Variants in SGCZ observed in about 807,000 individuals in gnomAD.
The protein encoded by SGCZ is sarcoglycan zeta.
In SGCZ, 40 loss-of-function variants were observed where a neutral mutation model predicts 41.3. That is an observed-to-expected ratio of 0.97 (90% CI 0.75 to 1.26). The LOEUF (loss-of-function observed/expected upper bound fraction) is 1.26, where lower values mean the gene tolerates loss of function less well. Ranked by LOEUF, SGCZ falls within the 50% of genes most tolerant of loss-of-function variation. The pLI, the probability that SGCZ is intolerant of heterozygous loss-of-function variation, is 0.00. For missense variants in SGCZ, 552 were observed against 369.8 expected, an observed-to-expected ratio of 1.49 and a Z score of -4.04; for synonymous variants, 206 against 137.5, an observed-to-expected ratio of 1.50 and a Z score of -3.49.
At chr8:14,870,914 A>C (rs999017485) in intron 1 of SGCZ, among the ~76,000 whole-genome samples, 1 of 152,198 alleles carries the variant, frequency 6.6e-6, no homozygotes, top group African/African-American at 2.4e-5. Flanking sequence ...ATCATTAAAA[A>C]GTCAGGAAAC....
In SGCZ at chr8:14,774,833, G is replaced by C. The variant is rs138402281; in HGVS notation, c.40-219907C>G. Among the ~76,000 whole-genome samples, 501 of 152,178 alleles carry C rather than the reference G, an allele frequency of 3.3e-3. 3 individuals carry two copies. Among genetic ancestry groups the C allele is most frequent in the African/African-American group, 0.011 (441 of 41,546 alleles). On this transcript the variant is annotated intron_variant, in intron 1 of 7. Transcript: ENST00000382080. ...GTTCTCTTATTATCCTAGCTGTTTTGCTTCCTAATTACTTCGTTAACTAAT... is the reference window on the plus strand; with the variant it reads ...GTTCTCTTATTATCCTAGCTGTTTTCCTTCCTAATTACTTCGTTAACTAAT...
chr8:14,152,694 G>GA (rs1441752938), intron 5 of SGCZ, among the ~76,000 whole-genome samples: 1 of 151,840 alleles, frequency 6.6e-6, no homozygotes, highest in East Asian at 1.9e-4. Context: ...CTCAGATAAA[G>GA]AAAAAAAATT....
chr8:14,795,846 TC>T (rs1318411035), intron 1 of SGCZ, among the ~76,000 whole-genome samples: 2 of 152,098 alleles, frequency 1.3e-5, no homozygotes, highest in African/African-American at 4.8e-5. Flanking sequence ...CTCCGAAAGA[TC>T]CCAGTGTGTG....
intron 2 of SGCZ, among the ~76,000 whole-genome samples, chr8:14,354,562 T>C (rs962507052): frequency 6.6e-6 from 1 of 151,642 alleles, no homozygotes; most frequent in Non-Finnish European, 1.5e-5. Flanking sequence ...TATTGTAATA[T>C]ACTACAAAGA....
At chr8:15,204,195 C>A (rs1055515439) in intron 1 of SGCZ, among the ~76,000 whole-genome samples, 2 of 152,110 alleles carry the variant, frequency 1.3e-5, no homozygotes, top group African/African-American at 4.8e-5. Flanking sequence ...CAGTTGATCA[C>A]CTTAAGATTG....
chr8:14,224,540 C>T (rs537706216), intron 4 of SGCZ, among the ~76,000 whole-genome samples: 1 of 152,312 alleles, frequency 6.6e-6, no homozygotes, highest in African/African-American at 2.4e-5. Context: ...CTTTGTGCAT[C>T]TGGAAATATT....
chr8:14,628,155 C>G (rs991743038), intron 1 of SGCZ, among the ~76,000 whole-genome samples: 2 of 152,012 alleles, frequency 1.3e-5, no homozygotes, highest in African/African-American at 4.8e-5. Context: ...TCACAAAAAA[C>G]CTTTTAAAAA....
intron 1 of SGCZ, among the ~76,000 whole-genome samples, chr8:14,822,482 G>T (rs1258260774): frequency 6.6e-6 from 1 of 151,972 alleles, no homozygotes; most frequent in Non-Finnish European, 1.5e-5. Flanking sequence ...AAACAAAAAA[G>T]AAATTCACAT....
At chr8:15,231,155 T>C (rs1020040842) in intron 1 of SGCZ, among the ~76,000 whole-genome samples, 8 of 152,204 alleles carry the variant, frequency 5.3e-5, no homozygotes, top group African/African-American at 1.9e-4. Context: ...GGAATTAACT[T>C]CTAAGGCTGA....
At chr8:14,462,344 T>C (rs1343167165) in intron 2 of SGCZ, among the ~76,000 whole-genome samples, 3 of 152,066 alleles carry the variant, frequency 2.0e-5, no homozygotes, top group African/African-American at 7.2e-5. Flanking sequence ...TGTTCCTTTT[T>C]ATTATTTTAG....
chr8:14,630,048 T>A (rs1484246753), intron 1 of SGCZ, among the ~76,000 whole-genome samples: 1 of 152,036 alleles, frequency 6.6e-6, no homozygotes, highest in Non-Finnish European at 1.5e-5. Context: ...GGGAAAAAAA[T>A]GTCTTTTCCC....
intron 1 of SGCZ, among the ~76,000 whole-genome samples, chr8:15,093,835 T>C (rs1212358736): frequency 1.4e-4 from 21 of 152,196 alleles, no homozygotes; most frequent in Admixed American, 1.4e-3. Flanking sequence ...AATCTACAGA[T>C]GCTCCATCTT....
chr8:14,577,801 T>G (rs1488572382), intron 1 of SGCZ, among the ~76,000 whole-genome samples: 1 of 152,250 alleles, frequency 6.6e-6, no homozygotes, highest in African/African-American at 2.4e-5. Context: ...AGATTCTGTG[T>G]GTATTGTAAT....
intron 1 of SGCZ, among the ~76,000 whole-genome samples, chr8:14,976,182 C>A (rs182395695): frequency 6.6e-6 from 1 of 151,674 alleles, no homozygotes; most frequent in African/African-American, 2.4e-5. Context: ...CCACCACACC[C>A]GGCTAATTTT....
At chr8:15,021,241 G>T (rs1289165108) in intron 1 of SGCZ, among the ~76,000 whole-genome samples, 1 of 152,144 alleles carries the variant, frequency 6.6e-6, no homozygotes, top group African/African-American at 2.4e-5. Context: ...AAAAAGAAGT[G>T]CAATTTATGT....
At chr8:14,731,587 T>C (rs370665929) in intron 1 of SGCZ, among the ~76,000 whole-genome samples, 82 of 152,300 alleles carry the variant, frequency 5.4e-4, no homozygotes, top group African/African-American at 1.9e-3. Flanking sequence ...ACAATACTTG[T>C]AGAAATGTAA....
intron 2 of SGCZ, among the ~76,000 whole-genome samples, chr8:14,488,388 G>A (rs777867573): frequency 2.2e-5 from 3 of 136,054 alleles, no homozygotes; most frequent in Non-Finnish European, 3.2e-5. Context: ...GACCACAATG[G>A]CCTTAACTCC....
intron 2 of SGCZ, chr8:14,332,800 A>ATGTAT (rs1327209956): frequency 6.6e-6 from 1 of 151,410 alleles, no homozygotes; most frequent in Non-Finnish European, 1.5e-5. Flanking sequence ...TAGAGTATAG[A>ATGTAT]GTATGTAGAT....
At chr8:14,435,845 C>G (rs1800075003) in intron 2 of SGCZ, among the ~76,000 whole-genome samples, 1 of 152,198 alleles carries the variant, frequency 6.6e-6, no homozygotes, top group Admixed American at 6.5e-5. Flanking sequence ...AGCCCATGCT[C>G]TAGCCAACAT....
Sources: gnomAD v4.1 joint callset for allele counts (sites outside exome capture counted in the v4.1 genomes callset) on GRCh38, gnomAD v4.1.1 for gene constraint, MANE v1.5 for transcripts, NCBI Gene and HGNC (gene_info 2026-07-23, HGNC 2026-07-21) for gene names.